The following CCDC93 variants were observed in gnomAD, a reference collection of about 807,000 sequenced individuals.
CCDC93 encodes coiled-coil domain-containing protein 93.
In CCDC93, 61 loss-of-function variants were observed where a neutral mutation model predicts 108.2. That is an observed-to-expected ratio of 0.56 (90% CI 0.46 to 0.70). The LOEUF (loss-of-function observed/expected upper bound fraction) is 0.70. Ranked by LOEUF, CCDC93 falls within the 30% of genes least tolerant of loss-of-function variation. The probability of loss-of-function intolerance (pLI) is 0.00; values close to 1 mark genes in which losing one functional copy is unlikely to be tolerated. For synonymous variants in CCDC93, 276 were observed against 260.4 expected (o/e 1.06, Z -0.58); for missense variants, 685 against 764.2 (o/e 0.90, Z 1.22).
In CCDC93 at chr2:118,013,985, G is replaced by A. The variant is rs1294772841; in HGVS notation, c.11C>T (p.Pro4Leu). ...GAGACCCTGGCCCTCCGGCCCCCTG[G>A]GCAACCCCATGATCCGACCGGGCTG... MGL[P>L]RGPEGQGLPE... Residue 4 changes from proline to leucine, a missense_variant, in exon 1 of 24, where the codon CCC becomes CTC. Transcript: ENST00000376300. The A allele has an allele frequency of 1.9e-6, 3 of 1,595,750 alleles. No homozygotes were observed. The highest frequency in any genetic ancestry group is 2.6e-6 in the Non-Finnish European group (3 of 1,172,684).
intron 9 of CCDC93, 24 bp from the exon 10 acceptor site, chr2:117,974,924 A>G: frequency 1.3e-6 from 2 of 1,554,480 alleles, no homozygotes; most frequent in East Asian, 2.4e-5. Context: ...GGAAGGGAGC[A>G]GCAGTGAGTG....
intron 21 of CCDC93, among the ~76,000 whole-genome samples, chr2:117,936,009 A>G (rs1678510133): frequency 6.6e-6 from 1 of 151,888 alleles, no homozygotes; most frequent in African/African-American, 2.4e-5. Flanking sequence ...AAACCAGGGG[A>G]AGCTGTGGTT....
At chr2:118,001,064 T>A in intron 3 of CCDC93, 132 bp from the exon 4 acceptor site, 1 of 602,304 alleles carries the variant, frequency 1.7e-6, no homozygotes, top group Non-Finnish European at 3.0e-6. Context: ...ATGACAAGTT[T>A]CTCCTAGATG....
chr2:117,954,094 G>A (rs1482383769), intron 12 of CCDC93, among the ~76,000 whole-genome samples: 5 of 152,142 alleles, frequency 3.3e-5, no homozygotes, highest in African/African-American at 1.2e-4. Context: ...AATGGACTAA[G>A]ACAAGGCTCT....
chr2:117,950,691 G>A, intron 13 of CCDC93: 1 of 985,358 alleles, frequency 1.0e-6, no homozygotes, highest in Non-Finnish European at 1.2e-6. Context: ...AGGCCCAGAG[G>A]TGAAAAACAT....
chr2:118,011,606 G>A (rs915529072), intron 1 of CCDC93, among the ~76,000 whole-genome samples: 2 of 151,844 alleles, frequency 1.3e-5, no homozygotes, highest in Non-Finnish European at 2.9e-5. Flanking sequence ...AAACTTCTGG[G>A]GTGTAAAACA....
Position 117,941,382 on chromosome 2 carries a change from C to T in CCDC93, c.1414-85G>A, listed in dbSNP as rs1678695678. On this transcript the variant is annotated intron_variant, in intron 18 of 23. Transcript: ENST00000376300. ...AGGGAGCCAAAATATTGCCTGCACC[C>T]CGACCTGAGCCCAACCATGCGCCCT... 3.0e-6 allele frequency: 3 copies of T among 986,380 alleles called. No individual in the cohort carries two copies. The Admixed American group carries it at 5.4e-5, about 18-fold the overall frequency. 61.1% of individuals were successfully genotyped at this position (986,380 alleles called of 1,614,324 possible).
At chr2:118,001,262 G>C (rs1173741169) in intron 3 of CCDC93, 1 of 183,896 alleles carries the variant, frequency 5.4e-6, no homozygotes, top group East Asian at 1.4e-4. Context: ...AAGATAAAAA[G>C]TTATTAGTGC....
intron 14 of CCDC93, among the ~76,000 whole-genome samples, chr2:117,948,979 G>T (rs948303662): frequency 2.6e-5 from 4 of 152,206 alleles, no homozygotes; most frequent in Non-Finnish European, 4.4e-5. Flanking sequence ...CTAGGGAAGA[G>T]AATTGGGTGG....
chr2:118,012,753 T>C (rs75053892), intron 1 of CCDC93: 1 of 152,246 alleles, frequency 6.6e-6, no homozygotes, highest in South Asian at 2.1e-4. Context: ...TGTCAGGTTT[T>C]CTTAAGACAA....
intron 23 of CCDC93, among the ~76,000 whole-genome samples, chr2:117,923,099 A>G (rs1677935348): frequency 6.6e-6 from 1 of 152,224 alleles, no homozygotes; most frequent in Non-Finnish European, 1.5e-5. Context: ...GTGAGGTGAA[A>G]TATATTTAAA....
chr2:117,963,380 C>G (rs545961432), intron 11 of CCDC93, among the ~76,000 whole-genome samples: 1 of 152,232 alleles, frequency 6.6e-6, no homozygotes, highest in Non-Finnish European at 1.5e-5. Context: ...CTTTCTATAA[C>G]AAGATGCTGA....
chr2:117,932,842 T>C (rs1161469378), intron 22 of CCDC93, among the ~76,000 whole-genome samples: 1 of 152,216 alleles, frequency 6.6e-6, no homozygotes, highest in Non-Finnish European at 1.5e-5. Context: ...AGCAGACATC[T>C]TTTCTGCTGC....
chr2:117,988,828 C>A (rs985438720), intron 6 of CCDC93, among the ~76,000 whole-genome samples: 4 of 152,216 alleles, frequency 2.6e-5, no homozygotes, highest in African/African-American at 9.7e-5. Flanking sequence ...CCTCCAGTGA[C>A]ACCCCTCACC....
intron 11 of CCDC93, among the ~76,000 whole-genome samples, chr2:117,964,674 C>T (rs1679499192): frequency 6.6e-6 from 1 of 152,116 alleles, no homozygotes; most frequent in South Asian, 2.1e-4. Context: ...TCATAGCTCA[C>T]TGCAACCTCA....
intron 11 of CCDC93, 114 bp downstream of exon 11, chr2:117,973,794 C>G: frequency 1.3e-6 from 1 of 762,508 alleles, no homozygotes; most frequent in Non-Finnish European, 2.3e-6. Flanking sequence ...ACTAACGTGG[C>G]TGGTGAGTTA....
At chr2:117,952,148 C>T (rs1197007810) in intron 13 of CCDC93, among the ~76,000 whole-genome samples, 7 of 151,974 alleles carry the variant, frequency 4.6e-5, no homozygotes, top group Admixed American at 2.0e-4. Flanking sequence ...GAGACCCCTC[C>T]CACCAAGACC....
intron 23 of CCDC93, among the ~76,000 whole-genome samples, chr2:117,927,516 C>T (rs1156500195): frequency 5.9e-5 from 9 of 152,114 alleles, no homozygotes; most frequent in Non-Finnish European, 8.8e-5. Context: ...CTCACAACTG[C>T]TTCAAAGAGA....
intron 22 of CCDC93, among the ~76,000 whole-genome samples, chr2:117,933,846 A>G (rs1325824891): frequency 6.6e-6 from 1 of 152,122 alleles, no homozygotes; most frequent in Non-Finnish European, 1.5e-5. Flanking sequence ...TGTTGAAAGA[A>G]TTCACTCATT....
Sources: allele counts gnomAD v4.1 joint callset (sites outside exome capture counted in the v4.1 genomes callset), GRCh38; gene constraint gnomAD v4.1.1; transcripts MANE v1.5; gene names NCBI Gene and HGNC (gene_info 2026-07-23, HGNC 2026-07-21).